Variants in DLG1 observed in about 807,000 individuals in gnomAD.
The protein encoded by DLG1 is disks large homolog 1.
DLG1 carries 42 observed loss-of-function variants against 123.4 expected under a neutral mutation model. That is an observed-to-expected ratio of 0.34 (90% confidence interval 0.27 to 0.44). The LOEUF (loss-of-function observed/expected upper bound fraction) is 0.44, where lower values mean the gene tolerates loss of function less well. Ranked by LOEUF, DLG1 falls within the 20% of genes least tolerant of loss-of-function variation. The probability of loss-of-function intolerance (pLI) is 1.00; values close to 1 mark genes in which losing one functional copy is unlikely to be tolerated. For missense variants in DLG1, 942 were observed against 1,082.6 expected (o/e 0.87, Z 1.82); for synonymous variants, 317 against 356.2 (o/e 0.89, Z 1.24).
In DLG1 at chr3:197,203,022, C is replaced by A. The variant is rs112506023; in HGVS notation, c.319-8433G>T. Among the ~76,000 whole-genome samples, 1,221 of 152,232 alleles carry A rather than the reference C, an allele frequency of 8.0e-3. 13 individuals carry two copies. Among genetic ancestry groups the A allele is most frequent in the African/African-American group, 0.027 (1,115 of 41,546 alleles). ...GACAGGAGCTCATGCCTGTAATCCCCAGCACTTTGGAAGGCTGAGGAAAGA... is the reference window on the plus strand; with the variant it reads ...GACAGGAGCTCATGCCTGTAATCCCAAGCACTTTGGAAGGCTGAGGAAAGA... On this transcript the variant is annotated intron_variant, in intron 4 of 24. Transcript: ENST00000667157.
intron 4 of DLG1, among the ~76,000 whole-genome samples, chr3:197,266,065 A>G (rs1299247874): frequency 6.6e-6 from 1 of 152,162 alleles, no homozygotes; most frequent in African/African-American, 2.4e-5. Flanking sequence ...CAAACAAAAA[A>G]GCAGTCTGAA....
chr3:197,298,658 C>T (rs1370771442), upstream of DLG1: 1 of 398,014 alleles, frequency 2.5e-6, no homozygotes, highest in African/African-American at 2.1e-5. Flanking sequence ...GCCAACTGCA[C>T]CTCCCAGGGG....
chr3:197,265,611 A>C (rs946852070), intron 4 of DLG1, among the ~76,000 whole-genome samples: 1 of 152,186 alleles, frequency 6.6e-6, no homozygotes, highest in Non-Finnish European at 1.5e-5. Flanking sequence ...GCATGTAAGG[A>C]AACTTCAAGG....
chr3:197,114,592 A>G (rs1469441388), intron 13 of DLG1, among the ~76,000 whole-genome samples: 1 of 152,270 alleles, frequency 6.6e-6, no homozygotes, highest in Non-Finnish European at 1.5e-5. Context: ...GGGCTTGCAC[A>G]CTAAGGTGCA....
At chr3:197,240,175 C>T (rs1469285865) in intron 4 of DLG1, among the ~76,000 whole-genome samples, 1 of 152,174 alleles carries the variant, frequency 6.6e-6, no homozygotes, top group Non-Finnish European at 1.5e-5. Context: ...CCAAGCAAGA[C>T]ACTGAATCAG....
intron 8 of DLG1, among the ~76,000 whole-genome samples, chr3:197,139,237 C>T (rs933994306): frequency 3.9e-5 from 6 of 152,036 alleles, no homozygotes; most frequent in Non-Finnish European, 8.8e-5. Context: ...GTAAACAAAA[C>T]ATAATTAAAA....
At chr3:197,108,026 C>A (rs1767589220) in intron 13 of DLG1, among the ~76,000 whole-genome samples, 1 of 152,068 alleles carries the variant, frequency 6.6e-6, no homozygotes, top group African/African-American at 2.4e-5. Flanking sequence ...TCATGAAAAG[C>A]TGTTGGTTTA....
intron 5 of DLG1, among the ~76,000 whole-genome samples, chr3:197,160,710 T>C (rs1429869961): frequency 6.6e-6 from 1 of 152,164 alleles, no homozygotes; most frequent in Non-Finnish European, 1.5e-5. Context: ...CTTCACTTTT[T>C]AGGAGAGGGG....
intron 4 of DLG1, among the ~76,000 whole-genome samples, chr3:197,245,346 G>GAGT (rs1177029024): frequency 6.6e-6 from 1 of 152,144 alleles, no homozygotes; most frequent in Non-Finnish European, 1.5e-5. Flanking sequence ...TTTACCCAGT[G>GAGT]AGTAAGGTGA....
At chr3:197,165,127 A>G (rs1374155235) in intron 5 of DLG1, among the ~76,000 whole-genome samples, 1 of 152,176 alleles carries the variant, frequency 6.6e-6, no homozygotes, top group Non-Finnish European at 1.5e-5. Context: ...GCCTTTCTCT[A>G]TCGCTGCTTC....
At chr3:197,282,459 G>A (rs1379004219) in intron 4 of DLG1, among the ~76,000 whole-genome samples, 1 of 152,154 alleles carries the variant, frequency 6.6e-6, no homozygotes, top group East Asian at 1.9e-4. Context: ...AAGTATTTCA[G>A]ACTTCAAACA....
intron 5 of DLG1, among the ~76,000 whole-genome samples, chr3:197,168,268 C>T (rs982209652): frequency 6.6e-6 from 1 of 152,212 alleles, no homozygotes; most frequent in East Asian, 1.9e-4. Flanking sequence ...AGAACATAGG[C>T]CCCTGCCTCT....
chr3:197,286,794 T>C (rs1217459154), intron 3 of DLG1, among the ~76,000 whole-genome samples: 1 of 152,080 alleles, frequency 6.6e-6, no homozygotes, highest in African/African-American at 2.4e-5. Flanking sequence ...AATGGTATGA[T>C]CATGCTCATT....
chr3:197,290,376 A>G (rs1235841485), intron 3 of DLG1, among the ~76,000 whole-genome samples: 3 of 152,210 alleles, frequency 2.0e-5, no homozygotes, highest in Non-Finnish European at 2.9e-5. Flanking sequence ...GGATATGTAC[A>G]TGGTGTTAAA....
intron 5 of DLG1, among the ~76,000 whole-genome samples, chr3:197,156,206 T>G (rs1270386522): frequency 6.6e-6 from 1 of 152,206 alleles, no homozygotes; most frequent in Non-Finnish European, 1.5e-5. Context: ...GCAGAGGTTT[T>G]GTATATTATT....
intron 4 of DLG1, among the ~76,000 whole-genome samples, chr3:197,209,727 T>C (rs1038689407): frequency 4.1e-5 from 6 of 146,638 alleles, no homozygotes; most frequent in African/African-American, 1.2e-4. Flanking sequence ...TTCCTAATAT[T>C]TGAACATTAA....
intron 4 of DLG1, among the ~76,000 whole-genome samples, chr3:197,225,598 CAT>C (rs1333853930): frequency 6.6e-6 from 1 of 152,198 alleles, no homozygotes; most frequent in East Asian, 1.9e-4. Context: ...AGTAGCAACA[CAT>C]AAAAACCAAG....
At chr3:197,093,607 C>G (rs1759005336) in intron 14 of DLG1, among the ~76,000 whole-genome samples, 1 of 149,712 alleles carries the variant, frequency 6.7e-6, no homozygotes, top group Non-Finnish European at 1.5e-5. Flanking sequence ...TATTTTTAAC[C>G]TTTACTTCTT....
At chr3:197,298,271 C>A (rs1169689138) in intron 1 of DLG1, 4 of 368,752 alleles carry the variant, frequency 1.1e-5, no homozygotes, top group Non-Finnish European at 1.9e-5. Flanking sequence ...CGGGGGAGGG[C>A]AGGGGAACGG....
Sources: allele counts gnomAD v4.1 joint callset (sites outside exome capture counted in the v4.1 genomes callset), GRCh38; gene constraint gnomAD v4.1.1; transcripts MANE v1.5; gene names NCBI Gene and HGNC (gene_info 2026-07-23, HGNC 2026-07-21).